ABR: variants seen among roughly 807,000 people sequenced by gnomAD.
The protein encoded by ABR is ABR activator of RhoGEF and GTPase.
ABR carries 35 observed loss-of-function variants against 107.2 expected under a neutral mutation model. That is an observed-to-expected ratio of 0.33 (90% CI 0.25 to 0.43). The LOEUF (loss-of-function observed/expected upper bound fraction) is 0.43. Among genes scored for constraint, ABR ranks in the 20% least tolerant of loss-of-function variants. The pLI is 1.00. For synonymous variants in ABR, 498 were observed against 462.0 expected (o/e 1.08, Z -1.00); for missense variants, 815 against 1,115.2 (o/e 0.73, Z 3.83).
chr17:1,156,937 C>T (rs922394951), intron 1 of ABR, among the ~76,000 whole-genome samples: 17 of 152,352 alleles, frequency 1.1e-4, no homozygotes, highest in African/African-American at 3.8e-4. Context: ...CTCATTTCAA[C>T]ACAGCCACTG....
chr17:1,197,314 G>A lies in ABR; in HGVS notation c.838+31479C>T, dbSNP rs78137977. ...CTGGAGCCACCTCCACTTAATGCTG[G>A]AGTGAATGATTTCAAACCTCTGTCT... is the stretch of plus-strand genomic sequence containing the variant. On this transcript the variant is annotated intron_variant, in intron 1 of 22. Transcript: ENST00000574139. Among the ~76,000 whole-genome samples the A allele has an allele frequency of 3.8e-3, 576 of 151,730 alleles. 17 individuals carry two copies. Among genetic ancestry groups the A allele is most frequent in the African/African-American group, 0.012 (502 of 41,050 alleles).
At chr17:1,129,533 AAAAAAC>A (rs1310253261) in intron 1 of ABR, among the ~76,000 whole-genome samples, 27 of 152,170 alleles carry the variant, frequency 1.8e-4, no homozygotes, top group Non-Finnish European at 3.2e-4. Context: ...CTCCGTCTCA[AAAAAAC>A]AAAAACAAAA....
intron 1 of ABR, among the ~76,000 whole-genome samples, chr17:1,176,719 C>T (rs555399033): frequency 4.6e-4 from 70 of 152,166 alleles, no homozygotes; most frequent in Admixed American, 2.2e-3. Flanking sequence ...TGGTGGCAGG[C>T]GCCCATAATC....
chr17:1,024,817 A>G (rs1174920044), intron 16 of ABR, among the ~76,000 whole-genome samples: 1 of 150,534 alleles, frequency 6.6e-6, no homozygotes, highest in Non-Finnish European at 1.5e-5. Context: ...AAAATGTAAA[A>G]CAAAATTCAA....
chr17:1,093,112 C>T (rs1196019412), intron 3 of ABR, among the ~76,000 whole-genome samples: 7 of 151,842 alleles, frequency 4.6e-5, no homozygotes, highest in Admixed American at 1.3e-4. Flanking sequence ...TGAGCCACCG[C>T]GCCCGGCCAG....
In ABR at chr17:1,210,938, T is replaced by C. The variant is rs1305867816; in HGVS notation, c.838+17855A>G. Reference sequence around the variant, plus strand: ...AAGCACTTGGCAAAGCCTGCCAAACTCTGGGGTGCTGGACTGGCTGCTGAA... The same window carrying C: ...AAGCACTTGGCAAAGCCTGCCAAACCCTGGGGTGCTGGACTGGCTGCTGAA... On this transcript the variant is annotated intron_variant, in intron 1 of 22. Coordinates refer to the ABR transcript ENST00000574139. The surrounding 1 kb of genome is among the most constrained non-coding windows in gnomAD (Gnocchi z 5.6). Among the ~76,000 whole-genome samples, 1 of 152,078 alleles carries C rather than the reference T, an allele frequency of 6.6e-6. No individual in the cohort carries two copies. The highest frequency in any genetic ancestry group is 1.5e-5 in the Non-Finnish European group (1 of 68,038).
At chr17:1,099,595 C>G (rs1055570119) in intron 3 of ABR, among the ~76,000 whole-genome samples, 5 of 152,224 alleles carry the variant, frequency 3.3e-5, no homozygotes, top group African/African-American at 1.2e-4. Flanking sequence ...GCAAAATACC[C>G]AAAAGAAAGA....
Position 1,078,407 on chromosome 17 carries a change from G to A in ABR, c.700+923C>T, listed in dbSNP as rs879141812. 6.6e-6 allele frequency among the ~76,000 whole-genome samples: 1 copy of A among 152,074 alleles called. No individual in the cohort carries two copies. The highest frequency in any genetic ancestry group is 2.4e-5 in the African/African-American group (1 of 41,404). On this transcript the variant is annotated intron_variant, in intron 6 of 22. Transcript: ENST00000302538. This position sits in a 1 kb window ranked among gnomAD's most constrained non-coding sequence, Gnocchi z 7.5. Reference sequence around the variant, plus strand: ...TGGCACCCTCTCGGCTGGCAACGCCGCCGTCCGGACCATCGCCACCCATCG... The same window carrying A: ...TGGCACCCTCTCGGCTGGCAACGCCACCGTCCGGACCATCGCCACCCATCG...
intron 2 of ABR, among the ~76,000 whole-genome samples, chr17:1,112,383 T>A (rs1429117141): frequency 3.9e-5 from 6 of 152,180 alleles, no homozygotes; most frequent in African/African-American, 1.4e-4. Context: ...GAGTAGCATC[T>A]GGAAATAGGG....
Position 1,010,583 on chromosome 17 carries a change from G to C in ABR, c.2236+146C>G. On this transcript the variant is annotated intron_variant, in intron 20 of 22. Transcript: ENST00000302538. The surrounding 1 kb of genome is among the most constrained non-coding windows in gnomAD (Gnocchi z 4.1). ...TCCCAGCAGGCCACACCTCACCCTC[G>C]GACCCCTCAGCCACAGGCCCCAGTG... The C allele has an allele frequency of 9.0e-7, 1 of 1,115,854 alleles. No homozygotes were observed. The highest frequency in any genetic ancestry group is 2.5e-5 in the East Asian group (1 of 39,760). 69.1% of individuals were successfully genotyped at this position (1,115,854 alleles called of 1,614,324 possible). A position where few individuals can be genotyped will look rare whatever the true frequency, so the allele number is the denominator to read the frequency against.
At chr17:1,032,835 T>C (rs2072916816) in intron 16 of ABR, among the ~76,000 whole-genome samples, 2 of 152,188 alleles carry the variant, frequency 1.3e-5, no homozygotes, top group Admixed American at 6.5e-5. Context: ...CCCAGGGGTG[T>C]CTGGGGCCTC....
At chr17:1,087,221 G>A (rs1023799387) in intron 4 of ABR, among the ~76,000 whole-genome samples, 3 of 152,218 alleles carry the variant, frequency 2.0e-5, no homozygotes, top group African/African-American at 2.4e-5. Flanking sequence ...CAAGGTGCTG[G>A]GGGAAGTGGG....
At chr17:1,099,946 G>A (rs2037750529) in intron 3 of ABR, among the ~76,000 whole-genome samples, 2 of 152,110 alleles carry the variant, frequency 1.3e-5, no homozygotes, top group Non-Finnish European at 2.9e-5. Flanking sequence ...TGGCCAACAT[G>A]ATAAAATCCT....
chr17:1,148,364 C>T lies in ABR; in HGVS notation c.62-22997G>A, dbSNP rs958538974. Among the ~76,000 whole-genome samples, 7 of 152,274 alleles carry T rather than the reference C, an allele frequency of 4.6e-5. 1 individual carries two copies. Among genetic ancestry groups the T allele is most frequent in the Admixed American group, 6.5e-5 (1 of 15,288 alleles). ...AAGGCAAATACCACATGATTCCACTCGGATGAGGTGCTTAGAGCAGTTAGA... is the reference window on the plus strand; with the variant it reads ...AAGGCAAATACCACATGATTCCACTTGGATGAGGTGCTTAGAGCAGTTAGA... On this transcript the variant is annotated intron_variant, in intron 1 of 22. Transcript: ENST00000302538. The surrounding 1 kb of genome is among the most constrained non-coding windows in gnomAD (Gnocchi z 4.9).
chr17:1,067,250 CGAGCCAGAGGGAGCCAT>C lies in ABR; in HGVS notation c.1017-25_1017-9del. On this transcript the variant is annotated splice_polypyrimidine_tract_variant and intron_variant, in intron 9 of 22. Coordinates refer to ENST00000302538, the MANE Select transcript of ABR (RefSeq NM_021962.5). ...TCATACTGCTGGTGCTTCCTGCAAA[CGAGCCAGAGGGAGCCAT>C]GAGCCAGAGGGAGCCTGGCTCTTCC... is the stretch of plus-strand genomic sequence containing the variant. 1.0e-5 allele frequency: 16 copies of C among 1,572,160 alleles called. No individual in the cohort carries two copies. Among genetic ancestry groups the C allele is most frequent in the Non-Finnish European group, 1.4e-5 (16 of 1,161,060 alleles).
rs1425675495 is a variant in ABR at position 1,071,253 on chromosome 17, A to G, written c.895-1163T>C. Reference sequence around the variant, plus strand: ...GAGTAAAACAGACGACGGGATCCCCAGACGCTGCACATCAGCACCAGGAGC... The same window carrying G: ...GAGTAAAACAGACGACGGGATCCCCGGACGCTGCACATCAGCACCAGGAGC... On this transcript the variant is annotated intron_variant, in intron 8 of 22. Transcript: ENST00000302538. This position sits in a 1 kb window ranked among gnomAD's most constrained non-coding sequence, Gnocchi z 5.1. Among the ~76,000 whole-genome samples the G allele has an allele frequency of 6.6e-6, 1 of 152,190 alleles. No homozygotes were observed. The highest frequency in any genetic ancestry group is 1.9e-4 in the East Asian group (1 of 5,194).
chr17:1,027,111 C>T lies in ABR; in HGVS notation c.1792-13947G>A, dbSNP rs1376264232. Among the ~76,000 whole-genome samples, 1 of 152,216 alleles carries T rather than the reference C, an allele frequency of 6.6e-6. No homozygotes were observed. The highest frequency in any genetic ancestry group is 2.4e-5 in the African/African-American group (1 of 41,464). The stretch of plus-strand genomic sequence containing the variant: ...GGGCTCCTTCCAAAATGTCTGGGGC[C>T]TCATTGCCTCTGGGTACTACAGCAA... On this transcript the variant is annotated intron_variant, in intron 16 of 22. Transcript: ENST00000302538. This position sits in a 1 kb window ranked among gnomAD's most constrained non-coding sequence, Gnocchi z 4.7.
chr17:1,044,067 A>G (rs2031142183), intron 16 of ABR, among the ~76,000 whole-genome samples: 1 of 152,214 alleles, frequency 6.6e-6, no homozygotes, highest in African/African-American at 2.4e-5. Flanking sequence ...CCCTGGGAAT[A>G]TGCTAATCAG....
intron 16 of ABR, among the ~76,000 whole-genome samples, chr17:1,042,216 C>T (rs1340720950): frequency 2.0e-5 from 3 of 152,008 alleles, no homozygotes; most frequent in East Asian, 3.9e-4. Context: ...CATCCACGGA[C>T]GGACGGATAA....
Sources: gnomAD v4.1 joint callset for allele counts (sites outside exome capture counted in the v4.1 genomes callset) on GRCh38, gnomAD v4.1.1 for gene constraint, Gnocchi (gnomAD v3.1) non-coding constraint, MANE v1.5 for transcripts, NCBI Gene and HGNC (gene_info 2026-07-23, HGNC 2026-07-21) for gene names.